Variants in DSCAM observed in about 807,000 individuals in gnomAD.
The protein encoded by DSCAM is DS cell adhesion molecule.
Under a neutral mutation model 217.7 loss-of-function variants are expected in DSCAM, and 47 were observed. The observed-to-expected ratio is 0.22, with a 90% CI of 0.17 to 0.28. The LOEUF (loss-of-function observed/expected upper bound fraction) is 0.28. Ranked by LOEUF, DSCAM falls within the 10% of genes least tolerant of loss-of-function variation. The pLI is 1.00. For missense variants in DSCAM, 2,080 were observed against 2,618.3 expected, an observed-to-expected ratio of 0.79 and a Z score of 4.49; for synonymous variants, 1,056 against 1,015.3, an observed-to-expected ratio of 1.04 and a Z score of -0.76.
Position 40,399,458 on chromosome 21 carries a change from T to C in DSCAM, c.509-30213A>G, listed in dbSNP as rs541407161. On this transcript the variant is annotated intron_variant, in intron 3 of 32. Transcript: ENST00000400454. ...CTTTAGGAAATCCACCTACTTAAAC[T>C]GGAGAGCCTGGATTGTCAATTCCTG... 4.6e-5 allele frequency among the ~76,000 whole-genome samples: 7 copies of C among 152,346 alleles called. No individual in the cohort carries two copies. In the South Asian group the frequency reaches 1.2e-3, roughly 27 times the overall value.
chr21:40,454,383 T>C (rs2075746569), intron 3 of DSCAM, among the ~76,000 whole-genome samples: 1 of 152,182 alleles, frequency 6.6e-6, no homozygotes, highest in Non-Finnish European at 1.5e-5. Context: ...AAGGATGAAA[T>C]GAAACCATAT....
chr21:40,619,894 C>T (rs541295092), intron 3 of DSCAM, among the ~76,000 whole-genome samples: 27 of 138,568 alleles, frequency 1.9e-4, no homozygotes, highest in African/African-American at 4.9e-4. Context: ...TCATTTAAAC[C>T]GTATGAGATA....
At chr21:40,703,143 C>T (rs2090675450) in intron 2 of DSCAM, among the ~76,000 whole-genome samples, 1 of 152,052 alleles carries the variant, frequency 6.6e-6, no homozygotes, top group African/African-American at 2.4e-5. Context: ...GATTCTAGAA[C>T]TTCCTTTAAG....
chr21:40,076,916 C>T (rs138208497), intron 26 of DSCAM, among the ~76,000 whole-genome samples: 79 of 152,286 alleles, frequency 5.2e-4, no homozygotes, highest in Admixed American at 1.1e-3. Context: ...CCCTTAAATG[C>T]TAAGTAAAGT....
intron 9 of DSCAM, among the ~76,000 whole-genome samples, chr21:40,309,166 TA>T (rs1251047079): frequency 6.6e-6 from 1 of 152,222 alleles, no homozygotes; most frequent in Non-Finnish European, 1.5e-5. Context: ...CCTCCTGTGA[TA>T]GCAAAATTCC....
rs576074114 is a variant in DSCAM, at chr21:40,825,036, G to T, written c.43+21583C>A. On this transcript the variant is annotated intron_variant, in intron 1 of 32. Coordinates refer to ENST00000400454, the MANE Select transcript of DSCAM (RefSeq NM_001389.5). ...TTAGAAGCTGTGAGCATGTCCTATTGTCCTGGAGACTTTGCCATGACCCAG... is the reference window on the plus strand; with the variant it reads ...TTAGAAGCTGTGAGCATGTCCTATTTTCCTGGAGACTTTGCCATGACCCAG... Among the ~76,000 whole-genome samples, 127 of 152,240 alleles carry T rather than the reference G, an allele frequency of 8.3e-4. 1 individual carries two copies. The highest frequency in any genetic ancestry group is 1.5e-3 in the Non-Finnish European group (103 of 68,028).
intron 3 of DSCAM, among the ~76,000 whole-genome samples, chr21:40,438,095 GGAGTCTGGGGACACAGCATC>G (rs1232264638): frequency 3.9e-5 from 6 of 152,318 alleles, no homozygotes; most frequent in South Asian, 4.1e-4. Context: ...CCCAGGACCA[GGAGTCTGGGGACACAGCATC>G]GAGTCTGTAT....
intron 9 of DSCAM, among the ~76,000 whole-genome samples, chr21:40,302,693 T>C (rs2074030313): frequency 6.6e-6 from 1 of 152,178 alleles, no homozygotes; most frequent in Non-Finnish European, 1.5e-5. Context: ...AACAATTTGA[T>C]ATATATTCCA....
intron 22 of DSCAM, 143 bp from the exon 23 acceptor site, chr21:40,085,908 G>T: frequency 1.4e-6 from 1 of 690,036 alleles, no homozygotes; most frequent in Non-Finnish European, 2.1e-6. Context: ...AACTAAATAT[G>T]ATTACATAAT....
At chr21:40,285,207 G>A (rs567186113) in intron 10 of DSCAM, among the ~76,000 whole-genome samples, 1 of 152,292 alleles carries the variant, frequency 6.6e-6, no homozygotes, top group Admixed American at 6.5e-5. Flanking sequence ...CCAGTGCTTT[G>A]CCTTGCTCCT....
At chr21:40,319,115 A>G (rs1467857166) in intron 8 of DSCAM, among the ~76,000 whole-genome samples, 1 of 152,240 alleles carries the variant, frequency 6.6e-6, no homozygotes, top group Non-Finnish European at 1.5e-5. Context: ...CATAGATTTG[A>G]AATACCACAT....
chr21:40,106,900 ATTT>A (rs56714391), intron 20 of DSCAM, among the ~76,000 whole-genome samples: 1 of 145,324 alleles, frequency 6.9e-6, no homozygotes, highest in African/African-American at 2.6e-5. Flanking sequence ...TATCTATTTT[ATTT>A]TTTTTTTCAA....
chr21:40,243,889 A>G (rs1418601583), intron 11 of DSCAM, among the ~76,000 whole-genome samples: 1 of 152,208 alleles, frequency 6.6e-6, no homozygotes. Context: ...CACAGGCATC[A>G]GAGGGAGGGA....
intron 1 of DSCAM, among the ~76,000 whole-genome samples, chr21:40,829,084 C>T (rs1207473815): frequency 1.3e-5 from 2 of 152,174 alleles, no homozygotes; most frequent in African/African-American, 2.4e-5. Context: ...TTTATCTGCC[C>T]AGGGTCATGT....
intron 11 of DSCAM, among the ~76,000 whole-genome samples, chr21:40,212,794 C>T (rs1569002784): frequency 6.6e-6 from 1 of 152,170 alleles, no homozygotes; most frequent in Admixed American, 6.6e-5. Flanking sequence ...AAAGTAAGAA[C>T]CTCTAGATAA....
intron 1 of DSCAM, among the ~76,000 whole-genome samples, chr21:40,783,961 T>G (rs896810993): frequency 2.0e-5 from 3 of 152,006 alleles, no homozygotes; most frequent in Admixed American, 6.6e-5. Context: ...CTAATAGGTA[T>G]GCAATATTTT....
chr21:40,369,782 G>T (rs1252037067), intron 3 of DSCAM, among the ~76,000 whole-genome samples: 3 of 152,066 alleles, frequency 2.0e-5, no homozygotes, highest in Non-Finnish European at 4.4e-5. Context: ...CCCTAAAAAG[G>T]CTGTCTTATT....
chr21:40,087,350 A>G (rs1171197457), intron 21 of DSCAM, 63 bp from the exon 22 acceptor site: 2 of 1,269,832 alleles, frequency 1.6e-6, no homozygotes, highest in Non-Finnish European at 1.2e-6. Flanking sequence ...AGAGGCCAAC[A>G]TGACCTACTC....
intron 3 of DSCAM, among the ~76,000 whole-genome samples, chr21:40,560,070 G>A (rs1315677461): frequency 6.6e-6 from 1 of 152,162 alleles, no homozygotes; most frequent in Non-Finnish European, 1.5e-5. Flanking sequence ...TGGGATTATA[G>A]GCTTGAGCCA....
Sources: allele counts gnomAD v4.1 joint callset (sites outside exome capture counted in the v4.1 genomes callset), GRCh38; gene constraint gnomAD v4.1.1; transcripts MANE v1.5; gene names NCBI Gene and HGNC (gene_info 2026-07-23, HGNC 2026-07-21).